CHN2: variants seen among roughly 807,000 people sequenced by gnomAD.
CHN2 encodes beta-chimaerin.
CHN2 carries 35 observed loss-of-function variants against 56.3 expected under a neutral mutation model. The observed-to-expected ratio is 0.62, with a 90% CI of 0.47 to 0.82. The LOEUF (loss-of-function observed/expected upper bound fraction) is 0.82, where lower values mean the gene tolerates loss of function less well. Among genes scored for constraint, CHN2 ranks in the 40% least tolerant of loss-of-function variants. CHN2 has a pLI of 0.00. For synonymous variants in CHN2, 210 were observed against 212.8 expected (o/e 0.99, Z 0.12); for missense variants, 491 against 580.5 (o/e 0.85, Z 1.58).
At chr7:29,310,211 C>T (rs2128885288) in intron 1 of CHN2, among the ~76,000 whole-genome samples, 1 of 152,040 alleles carries the variant, frequency 6.6e-6, no homozygotes, top group African/African-American at 2.4e-5. Context: ...AGAAAAAAAA[C>T]TGGAAACAAC....
chr7:29,327,034 A>G (rs1795857292), intron 1 of CHN2, among the ~76,000 whole-genome samples: 1 of 152,202 alleles, frequency 6.6e-6, no homozygotes, highest in Admixed American at 6.5e-5. Context: ...AACCAAGGCT[A>G]TTAATCACCT....
At chr7:29,375,875 G>T (rs1411804846) in intron 3 of CHN2, among the ~76,000 whole-genome samples, 1 of 152,178 alleles carries the variant, frequency 6.6e-6, no homozygotes, top group Non-Finnish European at 1.5e-5. Context: ...CACAAGTTTT[G>T]GGGTGTAACC....
intron 6 of CHN2, among the ~76,000 whole-genome samples, chr7:29,465,613 A>G (rs906155449): frequency 1.3e-5 from 2 of 152,246 alleles, no homozygotes; most frequent in African/African-American, 2.4e-5. Context: ...ACTTAGCTCC[A>G]GAGTCTTCCT....
intron 2 of CHN2, among the ~76,000 whole-genome samples, chr7:29,162,540 A>G (rs1157424129): frequency 2.0e-5 from 3 of 152,210 alleles, no homozygotes; most frequent in East Asian, 3.9e-4. Flanking sequence ...GCATGCCTGT[A>G]ATCCCAACTA....
intron 2 of CHN2, among the ~76,000 whole-genome samples, chr7:29,367,600 A>G (rs1799264847): frequency 6.6e-6 from 1 of 152,214 alleles, no homozygotes; most frequent in Non-Finnish European, 1.5e-5. Context: ...ACTCACAAGT[A>G]GAATTTCATC....
At chr7:29,328,670 TAA>T (rs375118116) in intron 1 of CHN2, among the ~76,000 whole-genome samples, 33 of 138,938 alleles carry the variant, frequency 2.4e-4, no homozygotes, top group Admixed American at 2.2e-4. Flanking sequence ...ATTGCTGAAT[TAA>T]AAAAAAAAAA....
chr7:29,178,143 C>T (rs1161985962), intron 2 of CHN2, among the ~76,000 whole-genome samples: 1 of 152,162 alleles, frequency 6.6e-6, no homozygotes, highest in Non-Finnish European at 1.5e-5. Flanking sequence ...CTGTCCACAC[C>T]ATCAGCCTTT....
intron 2 of CHN2, among the ~76,000 whole-genome samples, chr7:29,165,768 C>G (rs1263153652): frequency 2.0e-5 from 3 of 152,026 alleles, no homozygotes; most frequent in Non-Finnish European, 4.4e-5. Context: ...GAATTTTTGT[C>G]ATATGCTTTT....
intron 1 of CHN2, among the ~76,000 whole-genome samples, chr7:29,319,162 T>C (rs40451): frequency 0.24 from 36,532 of 152,168 alleles, 4,785 homozygotes; most frequent in East Asian, 0.48. Flanking sequence ...TTAAAAGCCA[T>C]TGTCTACCAT....
intron 1 of CHN2, among the ~76,000 whole-genome samples, chr7:29,218,655 G>T (rs1406665825): frequency 1.3e-5 from 2 of 152,080 alleles, no homozygotes; most frequent in Admixed American, 6.5e-5. Flanking sequence ...CCTTTGTAGG[G>T]ACATGGATGA....
rs187495547 is a variant in CHN2, at chr7:29,512,433, G to A, written c.1236-131G>A. ...ACCCTTCCAAAAATACCTTTCTGCT[G>A]TTCTGATTCCCAATCTTTTTCTTGC... On this transcript the variant is annotated intron_variant, in intron 12 of 12. Coordinates refer to ENST00000222792, the MANE Select transcript of CHN2 (RefSeq NM_004067.4). 21 of 773,792 alleles carry A rather than the reference G, an allele frequency of 2.7e-5. No individual in the cohort carries two copies. The East Asian group carries it at 5.1e-4, about 19-fold the overall frequency. The allele number at this position is 773,792 out of a possible 1,614,324, so 47.9% of individuals were successfully genotyped here. A position where few individuals can be genotyped will look rare whatever the true frequency, so the allele number is the denominator to read the frequency against.
chr7:29,212,660 A>C, intron 1 of CHN2: 1 of 1,446,298 alleles, frequency 6.9e-7, no homozygotes. Flanking sequence ...GAAATACCTT[A>C]GCCTCCAGCA....
At chr7:29,475,794 G>T (rs1786543389) in intron 6 of CHN2, among the ~76,000 whole-genome samples, 1 of 152,306 alleles carries the variant, frequency 6.6e-6, no homozygotes, top group South Asian at 2.1e-4. Flanking sequence ...CCCATATATT[G>T]TACGATTCCC....
intron 1 of CHN2, among the ~76,000 whole-genome samples, chr7:29,201,759 A>T (rs1784181049): frequency 6.6e-6 from 1 of 152,236 alleles, no homozygotes; most frequent in Non-Finnish European, 1.5e-5. Context: ...TTTTTACAGG[A>T]AATTCTCTAA....
intron 1 of CHN2, among the ~76,000 whole-genome samples, chr7:29,229,134 A>G (rs77346538): frequency 2.6e-5 from 4 of 152,268 alleles, no homozygotes; most frequent in East Asian, 3.9e-4. Context: ...TGTTGTTTCA[A>G]TGTGCTTTGC....
intron 2 of CHN2, among the ~76,000 whole-genome samples, chr7:29,359,186 G>A (rs1412912968): frequency 6.6e-6 from 1 of 152,120 alleles, no homozygotes; most frequent in African/African-American, 2.4e-5. Context: ...AACCAATCAG[G>A]ACTCACTACT....
At chr7:29,329,695 A>C (rs570369955) in intron 1 of CHN2, among the ~76,000 whole-genome samples, 45 of 152,224 alleles carry the variant, frequency 3.0e-4, no homozygotes, top group Non-Finnish European at 5.4e-4. Context: ...GAAACAGATT[A>C]AGAAATAAGT....
intron 6 of CHN2, among the ~76,000 whole-genome samples, chr7:29,461,364 AC>A (rs1785151398): frequency 6.6e-6 from 1 of 152,222 alleles, no homozygotes; most frequent in Non-Finnish European, 1.5e-5. Flanking sequence ...AACCAGATGA[AC>A]AAAGAAGGAT....
At chr7:29,400,852 G>C in intron 6 of CHN2, 24 bp downstream of exon 6, 1 of 1,607,350 alleles carries the variant, frequency 6.2e-7, no homozygotes, top group Non-Finnish European at 8.5e-7. Flanking sequence ...GATGGAAGCA[G>C]CCTTTCGTTT....
Sources: allele counts gnomAD v4.1 joint callset (sites outside exome capture counted in the v4.1 genomes callset), GRCh38; gene constraint gnomAD v4.1.1; transcripts MANE v1.5; gene names NCBI Gene and HGNC (gene_info 2026-07-23, HGNC 2026-07-21).